The following DR1 variants were observed in gnomAD, a reference collection of about 807,000 sequenced individuals.
DR1 encodes the protein protein Dr1.
In DR1, 7 loss-of-function variants were observed where a neutral mutation model predicts 19.9. The ratio of observed to expected loss-of-function variants is 0.35; its 90% CI spans 0.20 to 0.66. The LOEUF is 0.66. Among genes scored for constraint, DR1 ranks in the 30% least tolerant of loss-of-function variants. The probability of loss-of-function intolerance (pLI) is 0.66; values close to 1 mark genes in which losing one functional copy is unlikely to be tolerated. For synonymous variants in DR1, 76 were observed against 72.5 expected, an observed-to-expected ratio of 1.05 and a Z score of -0.24; for missense variants, 98 against 203.7, an observed-to-expected ratio of 0.48 and a Z score of 3.16.
At chr1:93,351,288 C>T (rs1018991891) in intron 1 of DR1, among the ~76,000 whole-genome samples, 1 of 151,908 alleles carries the variant, frequency 6.6e-6, no homozygotes, top group African/African-American at 2.4e-5. Flanking sequence ...CGTATGGCAA[C>T]TCTTTGAATA....
rs891072661 is a variant in DR1, at chr1:93,363,541, T to A, written c.*2902T>A. The stretch of plus-strand genomic sequence containing the variant: ...GTGACGGCCTGTATTTATGGGCTTG[T>A]GACCCCTTCCTCTCTATGATCAAAG... On this transcript the variant is annotated 3_prime_UTR_variant, in exon 3 of 3. Transcript: ENST00000370272. 6.6e-6 allele frequency: 1 copy of A among 152,266 alleles called. No homozygotes were observed. Among genetic ancestry groups the A allele is most frequent in the Non-Finnish European group, 1.5e-5 (1 of 68,050 alleles). 9.4% of individuals were successfully genotyped at this position (152,266 alleles called of 1,614,324 possible).
Position 93,364,733 on chromosome 1 carries a change from A to G in DR1, c.*4094A>G, listed in dbSNP as rs1190965894. ...AAGTATTACCACTGGTTCTTATCCTATTTCCTCAAAATAAATGAGAAGAGA... is the reference window on the plus strand; with the variant it reads ...AAGTATTACCACTGGTTCTTATCCTGTTTCCTCAAAATAAATGAGAAGAGA... On this transcript the variant is annotated 3_prime_UTR_variant, in exon 3 of 3. Transcript: ENST00000370272. The G allele has an allele frequency of 6.6e-6, 1 of 150,970 alleles. No homozygotes were observed. Among genetic ancestry groups the G allele is most frequent in the Non-Finnish European group, 1.5e-5 (1 of 67,954 alleles). The allele number at this position is 150,970 out of a possible 1,614,324, so 9.4% of individuals were successfully genotyped here.
chr1:93,352,856 T>A (rs1421659353), intron 1 of DR1, among the ~76,000 whole-genome samples: 1 of 152,068 alleles, frequency 6.6e-6, no homozygotes, highest in African/African-American at 2.4e-5. Context: ...ATGCCTTGTC[T>A]TTTCTGGATT....
rs1453159905 is a variant in DR1 at position 93,369,067 on chromosome 1, A to T, written c.*8428A>T. 3.9e-5 allele frequency: 6 copies of T among 152,170 alleles called. No homozygotes were observed. Among genetic ancestry groups the T allele is most frequent in the Non-Finnish European group, 8.8e-5 (6 of 68,006 alleles). 9.4% of individuals were successfully genotyped at this position (152,170 alleles called of 1,614,324 possible). ...TGTTAGATATTATAATCTAGAGATG[A>T]TTAGCATCCTTGGATTTTGGATTTT... On this transcript the variant is annotated 3_prime_UTR_variant, in exon 3 of 3. Transcript: ENST00000370272.
In DR1 at chr1:93,348,561, T is replaced by C. The variant is rs113524477; in HGVS notation, c.220+1696T>C. 1.6e-3 allele frequency among the ~76,000 whole-genome samples: 243 copies of C among 152,202 alleles called. 1 individual carries two copies. Among genetic ancestry groups the C allele is most frequent in the African/African-American group, 5.5e-3 (228 of 41,568 alleles). On this transcript the variant is annotated intron_variant, in intron 1 of 2. Transcript: ENST00000370272. ...GATTCTTTTCTAGGATATATTTAGA[T>C]TTCTGATTGACATGATGGAATAGAA... is the stretch of plus-strand genomic sequence containing the variant.
chr1:93,353,713 A>G (rs970714142), intron 1 of DR1, among the ~76,000 whole-genome samples, 195 bp from the exon 2 acceptor site: 5 of 152,226 alleles, frequency 3.3e-5, no homozygotes, highest in African/African-American at 4.8e-5. Flanking sequence ...GCCACCTAAT[A>G]TTTAGCAGAT....
Position 93,366,150 on chromosome 1 carries a change from G to A in DR1, c.*5511G>A, listed in dbSNP as rs771452. 0.84 allele frequency: 127,080 copies of A among 151,908 alleles called. 53,317 individuals carry two copies. The highest frequency in any genetic ancestry group is 1 in the East Asian group (5,182 of 5,184). 9.4% of individuals were successfully genotyped at this position (151,908 alleles called of 1,614,324 possible). A position where few individuals can be genotyped will look rare whatever the true frequency, so the allele number is the denominator to read the frequency against. On this transcript the variant is annotated 3_prime_UTR_variant, in exon 3 of 3. Transcript: ENST00000370272. The stretch of plus-strand genomic sequence containing the variant: ...TCAGTCTCTATGAATTGACTACTCT[G>A]GATATCTAAATGGATTCATTCTTAT...
intron 1 of DR1, among the ~76,000 whole-genome samples, chr1:93,351,440 T>C (rs543242767): frequency 1.6e-4 from 22 of 141,768 alleles, no homozygotes; most frequent in Admixed American, 2.9e-4. Context: ...TTCTTTCTTT[T>C]TTTTTTTTTT....
chr1:93,348,965 A>G (rs1268544400), intron 1 of DR1, among the ~76,000 whole-genome samples: 1 of 152,092 alleles, frequency 6.6e-6, no homozygotes, highest in Admixed American at 6.5e-5. Context: ...GTGCCTATAC[A>G]CTAATCATAA....
chr1:93,346,883 G>A lies in DR1; in HGVS notation c.220+18G>A, dbSNP rs768996562. The A allele has an allele frequency of 6.0e-5, 95 of 1,593,182 alleles. No homozygotes were observed. Among genetic ancestry groups the A allele is most frequent in the Non-Finnish European group, 7.8e-5 (91 of 1,166,824 alleles). ...CATACAAGGTAAGTCGTGTGTGAGAGCTGGTTTGAATGAGGTTCTAGGGTA... is the reference window on the plus strand; with the variant it reads ...CATACAAGGTAAGTCGTGTGTGAGAACTGGTTTGAATGAGGTTCTAGGGTA... On this transcript the variant is annotated intron_variant, in intron 1 of 2. Transcript: ENST00000370272.
intron 2 of DR1, among the ~76,000 whole-genome samples, chr1:93,357,918 C>A (rs191964741): frequency 6.6e-6 from 1 of 152,220 alleles, no homozygotes; most frequent in Admixed American, 6.5e-5. Flanking sequence ...AAGAATATAT[C>A]ATTATGAGAC....
intron 1 of DR1, 58 bp downstream of exon 1, chr1:93,346,923 G>C: frequency 1.4e-6 from 2 of 1,440,106 alleles, no homozygotes; most frequent in Non-Finnish European, 1.9e-6. Flanking sequence ...TCTGCTAATC[G>C]CGTGACCCTT....
intron 2 of DR1, among the ~76,000 whole-genome samples, chr1:93,356,232 CTTTT>C (rs5776179): frequency 2.0e-5 from 3 of 147,568 alleles, no homozygotes; most frequent in Non-Finnish European, 4.5e-5. Context: ...TATCAATCAA[CTTTT>C]TTTTTTTTTT....
chr1:93,360,393 A>G lies in DR1; in HGVS notation c.385-100A>G, dbSNP rs1667037476. On this transcript the variant is annotated intron_variant, in intron 2 of 2. Coordinates refer to ENST00000370272, the MANE Select transcript of DR1 (RefSeq NM_001938.3). ...TACTTGGACAGTATCCAAGTATGAT[A>G]ATAAACTGTCTGAAATTGGCCTAAT... 4 of 1,132,566 alleles carry G rather than the reference A, an allele frequency of 3.5e-6. No individual in the cohort carries two copies. In the South Asian group the frequency reaches 7.5e-5, roughly 21 times the overall value. The allele number at this position is 1,132,566 out of a possible 1,614,324, so 70.2% of individuals were successfully genotyped here. A position where few individuals can be genotyped will look rare whatever the true frequency, so the allele number is the denominator to read the frequency against.
At chr1:93,353,483 G>GCC (rs564081329) in intron 1 of DR1, among the ~76,000 whole-genome samples, 75 of 152,200 alleles carry the variant, frequency 4.9e-4, no homozygotes, top group Non-Finnish European at 9.3e-4. Flanking sequence ...AAAAACTTCT[G>GCC]TTCTTTTATT....
At chr1:93,348,402 A>G (rs1291710637) in intron 1 of DR1, among the ~76,000 whole-genome samples, 1 of 152,178 alleles carries the variant, frequency 6.6e-6, no homozygotes, top group Non-Finnish European at 1.5e-5. Flanking sequence ...AAGAACCTTT[A>G]TCAACATTGC....
At chr1:93,357,620 A>G (rs1460985414) in intron 2 of DR1, among the ~76,000 whole-genome samples, 1 of 152,218 alleles carries the variant, frequency 6.6e-6, no homozygotes, top group Non-Finnish European at 1.5e-5. Context: ...CCACAGAGGC[A>G]TTTAATCACC....
intron 2 of DR1, among the ~76,000 whole-genome samples, chr1:93,354,377 T>C (rs1286576944): frequency 6.6e-6 from 1 of 152,204 alleles, no homozygotes; most frequent in African/African-American, 2.4e-5. Flanking sequence ...AATGATGAGC[T>C]GATGAGAAAA....
In DR1 at chr1:93,346,102, G is replaced by C. The variant is rs983088948; in HGVS notation, c.-544G>C. 4.7e-6 allele frequency: 1 copy of C among 210,564 alleles called. No individual in the cohort carries two copies. The highest frequency in any genetic ancestry group is 2.4e-5 in the African/African-American group (1 of 41,744). The allele number at this position is 210,564 out of a possible 1,614,324, so 13.0% of individuals were successfully genotyped here. A position where few individuals can be genotyped will look rare whatever the true frequency, so the allele number is the denominator to read the frequency against. ...CGCCGTTCCAGCAGCGGCAGCGGCA[G>C]CGGCAGCGGCGGACATGTTGTGAGG... On this transcript the variant is annotated 5_prime_UTR_variant, in exon 1 of 3. Coordinates refer to ENST00000370272, the MANE Select transcript of DR1 (RefSeq NM_001938.3).
Sources: allele counts gnomAD v4.1 joint callset (sites outside exome capture counted in the v4.1 genomes callset), GRCh38; gene constraint gnomAD v4.1.1; transcripts MANE v1.5; gene names NCBI Gene and HGNC (gene_info 2026-07-23, HGNC 2026-07-21).